Variants in TNS3 observed in about 807,000 individuals in gnomAD.
TNS3 encodes the protein tensin 3.
Under a neutral mutation model 140.9 loss-of-function variants are expected in TNS3, and 45 were observed. The ratio of observed to expected loss-of-function variants is 0.32; its 90% confidence interval spans 0.25 to 0.41. The LOEUF is 0.41. Among genes scored for constraint, TNS3 ranks in the 10% least tolerant of loss-of-function variants. The probability of loss-of-function intolerance (pLI) is 1.00; values close to 1 mark genes in which losing one functional copy is unlikely to be tolerated. For synonymous variants in TNS3, 815 were observed against 788.4 expected, an observed-to-expected ratio of 1.03 and a Z score of -0.56; for missense variants, 1,716 against 1,906.7, an observed-to-expected ratio of 0.90 and a Z score of 1.86.
At chr7:47,305,908 T>C (rs1279619238) in intron 20 of TNS3, among the ~76,000 whole-genome samples, 1 of 152,196 alleles carries the variant, frequency 6.6e-6, no homozygotes, top group Non-Finnish European at 1.5e-5. Context: ...AAGAGAATAT[T>C]AATGTAGAAA....
intron 1 of TNS3, among the ~76,000 whole-genome samples, chr7:47,534,235 C>T (rs1055971218): frequency 6.6e-5 from 10 of 151,914 alleles, no homozygotes; most frequent in Admixed American, 5.9e-4. Flanking sequence ...GATCATGGCA[C>T]GGCACTCCAG....
chr7:47,285,680 T>G (rs1785381602), intron 27 of TNS3, among the ~76,000 whole-genome samples: 1 of 152,222 alleles, frequency 6.6e-6, no homozygotes, highest in Admixed American at 6.5e-5. Flanking sequence ...GGATATGAAA[T>G]GCCTAGAAGT....
chr7:47,440,282 G>A (rs1795401832), intron 5 of TNS3, among the ~76,000 whole-genome samples: 1 of 152,126 alleles, frequency 6.6e-6, no homozygotes, highest in Non-Finnish European at 1.5e-5. Context: ...GGACCAGCTG[G>A]GGCATAATCA....
chr7:47,580,672 T>C (rs1030032182), intron 1 of TNS3, among the ~76,000 whole-genome samples: 1 of 151,694 alleles, frequency 6.6e-6, no homozygotes, highest in Non-Finnish European at 1.5e-5. Flanking sequence ...GTTGATTGAT[T>C]TGCAAATATA....
chr7:47,304,484 A>T (rs1301393819), intron 21 of TNS3, among the ~76,000 whole-genome samples: 1 of 152,214 alleles, frequency 6.6e-6, no homozygotes, highest in African/African-American at 2.4e-5. Context: ...GAATGTCCTC[A>T]GGGGTAGTAT....
At chr7:47,453,605 T>C (rs1796120993) in intron 4 of TNS3, among the ~76,000 whole-genome samples, 1 of 152,170 alleles carries the variant, frequency 6.6e-6, no homozygotes, top group Non-Finnish European at 1.5e-5. Context: ...AATAAAATTT[T>C]TAAAATAAAA....
intron 8 of TNS3, 141 bp from the exon 9 acceptor site, chr7:47,428,517 G>T (rs920971554): frequency 3.0e-5 from 16 of 530,056 alleles, no homozygotes; most frequent in Middle Eastern, 6.0e-4. Flanking sequence ...CAGCCTTCCT[G>T]TCTGGGAAAG....
intron 20 of TNS3, among the ~76,000 whole-genome samples, chr7:47,342,769 A>G (rs1789093123): frequency 6.6e-6 from 1 of 152,226 alleles, no homozygotes. Flanking sequence ...AATGGAAGGA[A>G]ATCATAAAGA....
At chr7:47,323,590 A>G (rs1033823575) in intron 20 of TNS3, among the ~76,000 whole-genome samples, 1 of 152,236 alleles carries the variant, frequency 6.6e-6, no homozygotes, top group African/African-American at 2.4e-5. Flanking sequence ...TGAGTTTCTT[A>G]AGTCACTTTT....
At chr7:47,404,777 G>A (rs536665891) in intron 13 of TNS3, among the ~76,000 whole-genome samples, 5 of 152,214 alleles carry the variant, frequency 3.3e-5, no homozygotes, top group East Asian at 1.9e-4. Flanking sequence ...CCAGCTACTC[G>A]GGAGGCTGAG....
intron 12 of TNS3, among the ~76,000 whole-genome samples, chr7:47,413,345 A>G (rs1296563601): frequency 2.2e-5 from 3 of 133,726 alleles, no homozygotes; most frequent in African/African-American, 8.6e-5. Context: ...TCCACCTCCC[A>G]GGTTCAAGTG....
At chr7:47,380,087 C>T (rs900780376) in intron 16 of TNS3, among the ~76,000 whole-genome samples, 9 of 152,250 alleles carry the variant, frequency 5.9e-5, no homozygotes, top group African/African-American at 1.9e-4. Flanking sequence ...AGCGCTCCCG[C>T]GGTCTCCTGG....
At chr7:47,392,476 C>A (rs1325092082) in intron 16 of TNS3, among the ~76,000 whole-genome samples, 2 of 151,920 alleles carry the variant, frequency 1.3e-5, no homozygotes, top group African/African-American at 4.8e-5. Flanking sequence ...TTTAACCAGG[C>A]GGCGGGGGGA....
At chr7:47,502,310 T>C (rs1481145081) in intron 3 of TNS3, among the ~76,000 whole-genome samples, 1 of 151,548 alleles carries the variant, frequency 6.6e-6, no homozygotes, top group Non-Finnish European at 1.5e-5. Context: ...AGAAAAGGAG[T>C]GATCTGAAGA....
intron 16 of TNS3, among the ~76,000 whole-genome samples, chr7:47,373,498 C>T (rs147265000): frequency 1.2e-4 from 18 of 152,336 alleles, no homozygotes; most frequent in Non-Finnish European, 2.1e-4. Flanking sequence ...ATCTCTTTAC[C>T]GCCTGCCCTG....
In TNS3 at chr7:47,565,353, GCATGAGCCA is replaced by G. The variant is rs368499068; in HGVS notation, c.-265+16689_-265+16697del. On this transcript the variant is annotated intron_variant, in intron 1 of 30. Transcript: ENST00000311160. The stretch of plus-strand genomic sequence containing the variant: ...GCCTCCCAAAGTGCTGGGATTACAG[GCATGAGCCA>G]CCGCGCCCGGCCTTTTTTTTTGGAG... Among the ~76,000 whole-genome samples, 182 of 148,580 alleles carry G rather than the reference GCATGAGCCA, an allele frequency of 1.2e-3. 1 individual carries two copies. The highest frequency in any genetic ancestry group is 4.4e-3 in the African/African-American group (176 of 39,960).
intron 3 of TNS3, among the ~76,000 whole-genome samples, chr7:47,498,915 C>A (rs1798113156): frequency 6.6e-6 from 1 of 152,270 alleles, no homozygotes; most frequent in Non-Finnish European, 1.5e-5. Flanking sequence ...CCCCACAGGG[C>A]AAGGCCCCGA....
chr7:47,401,337 G>T (rs1433413127), intron 13 of TNS3, among the ~76,000 whole-genome samples: 1 of 152,152 alleles, frequency 6.6e-6, no homozygotes. Context: ...GCTTTTCTTT[G>T]ATCTCAATGC....
intron 1 of TNS3, among the ~76,000 whole-genome samples, chr7:47,558,726 C>T (rs774663045): frequency 2.0e-5 from 3 of 152,138 alleles, no homozygotes; most frequent in Non-Finnish European, 4.4e-5. Context: ...AGCAGAGGGT[C>T]CCAGCTCTGC....
Sources: allele counts gnomAD v4.1 joint callset (sites outside exome capture counted in the v4.1 genomes callset), GRCh38; gene constraint gnomAD v4.1.1; transcripts MANE v1.5; gene names NCBI Gene and HGNC (gene_info 2026-07-23, HGNC 2026-07-21).